NRCAM: variants seen among roughly 807,000 people sequenced by gnomAD.
The protein encoded by NRCAM is NgCAM-related cell adhesion molecule.
A neutral mutation model predicts 156.5 loss-of-function variants in NRCAM; 83 were observed. The observed-to-expected ratio is 0.53, with a 90% confidence interval of 0.44 to 0.64. The LOEUF is 0.64. Among genes scored for constraint, NRCAM ranks in the 30% least tolerant of loss-of-function variants. NRCAM has a pLI of 0.00. For synonymous variants in NRCAM, 538 were observed against 563.9 expected, an observed-to-expected ratio of 0.95 and a Z score of 0.65; for missense variants, 1,417 against 1,597.3, an observed-to-expected ratio of 0.89 and a Z score of 1.92.
chr7:108,239,524 G>A (rs1392561257), intron 4 of NRCAM, among the ~76,000 whole-genome samples: 1 of 152,152 alleles, frequency 6.6e-6, no homozygotes, highest in Non-Finnish European at 1.5e-5. Context: ...CCTCATCTTT[G>A]CAGACCACCC....
Position 108,180,401 on chromosome 7 carries a change from T to A in NRCAM, c.2673A>T (p.Ser891=). ...YRIYYWKTQS[S]SKRNRRHIEK... The stretch of plus-strand genomic sequence containing the variant: ...CAATGTGACGTCTGTTTCTTTTAGA[T>A]GAACTCTGGGTCTTCCAATAGTAAA... The change falls in exon 25 of 33, where the codon TCA becomes TCT. Residue 891 remains serine, a synonymous_variant. Transcript: ENST00000379028. The A allele has an allele frequency of 6.2e-7, 1 of 1,614,202 alleles. No homozygotes were observed. Among genetic ancestry groups the A allele is most frequent in the Non-Finnish European group, 8.5e-7 (1 of 1,180,002 alleles).
chr7:108,374,902 T>C (rs927765899), intron 2 of NRCAM, among the ~76,000 whole-genome samples: 1 of 152,152 alleles, frequency 6.6e-6, no homozygotes, highest in Non-Finnish European at 1.5e-5. Context: ...CAGGAGATGC[T>C]TTCTTCTTGT....
At chr7:108,373,084 T>C (rs1595534797) in intron 2 of NRCAM, among the ~76,000 whole-genome samples, 2 of 152,246 alleles carry the variant, frequency 1.3e-5, no homozygotes, top group Non-Finnish European at 2.9e-5. Context: ...CTAAGTTAAA[T>C]AAGCTAGTCA....
intron 1 of NRCAM, among the ~76,000 whole-genome samples, chr7:108,414,791 A>T (rs1990162): frequency 0.32 from 48,911 of 151,904 alleles, 8,386 homozygotes; most frequent in East Asian, 0.5. Context: ...GAAGACAGAG[A>T]AGGGGGGAAG....
At chr7:108,250,097 T>G (rs758196810) in intron 3 of NRCAM, among the ~76,000 whole-genome samples, 1 of 152,124 alleles carries the variant, frequency 6.6e-6, no homozygotes, top group Non-Finnish European at 1.5e-5. Flanking sequence ...AATGTAGTAC[T>G]TATATATAAT....
chr7:108,408,147 G>A (rs1481718945), intron 1 of NRCAM, among the ~76,000 whole-genome samples: 1 of 152,068 alleles, frequency 6.6e-6, no homozygotes, highest in Non-Finnish European at 1.5e-5. Context: ...GAAATTTAGA[G>A]ACTTCCTTTA....
At chr7:108,418,039 C>T (rs909770548) in intron 1 of NRCAM, among the ~76,000 whole-genome samples, 4 of 152,116 alleles carry the variant, frequency 2.6e-5, no homozygotes, top group Admixed American at 2.6e-4. Context: ...AAGCATGGAG[C>T]TCTGGAAACC....
chr7:108,385,276 G>A (rs188954201), intron 2 of NRCAM, among the ~76,000 whole-genome samples: 8 of 152,242 alleles, frequency 5.3e-5, no homozygotes, highest in Admixed American at 5.2e-4. Flanking sequence ...GTCCTCTGAT[G>A]CACTCTAGGA....
chr7:108,197,570 T>A (rs1197047960), intron 14 of NRCAM, among the ~76,000 whole-genome samples: 1 of 152,202 alleles, frequency 6.6e-6, no homozygotes, highest in Non-Finnish European at 1.5e-5. Context: ...AGCATTATGA[T>A]TCATGCATTA....
Position 108,340,805 on chromosome 7 carries a change from C to G in NRCAM, c.-173-28074G>C, listed in dbSNP as rs139436384. ...AAGCATACCTCTCTGTCACCTGACT[C>G]TATTGAAGGCCAACTAATCTTAAAG... On this transcript the variant is annotated intron_variant, in intron 2 of 32. Coordinates refer to ENST00000379028, the MANE Select transcript of NRCAM (RefSeq NM_001037132.4). Among the ~76,000 whole-genome samples, 1,168 of 152,274 alleles carry G rather than the reference C, an allele frequency of 7.7e-3. 17 individuals carry two copies. Among genetic ancestry groups the G allele is most frequent in the African/African-American group, 0.026 (1,095 of 41,532 alleles).
At chr7:108,346,587 C>T (rs145580321) in intron 2 of NRCAM, among the ~76,000 whole-genome samples, 26 of 152,170 alleles carry the variant, frequency 1.7e-4, no homozygotes, top group African/African-American at 5.1e-4. Context: ...ACCTCCTACT[C>T]TATTGTAAAT....
chr7:108,269,342 A>G (rs1274607481), intron 3 of NRCAM, among the ~76,000 whole-genome samples: 1 of 151,832 alleles, frequency 6.6e-6, no homozygotes, highest in Non-Finnish European at 1.5e-5. Flanking sequence ...CAGGGCATAA[A>G]ACCTCCTTTT....
intron 28 of NRCAM, among the ~76,000 whole-genome samples, chr7:108,174,471 G>A (rs528127692): frequency 3.3e-5 from 5 of 152,312 alleles, no homozygotes; most frequent in African/African-American, 9.6e-5. Context: ...GGCATGCCAC[G>A]TGAAAACAGT....
chr7:108,215,462 G>A (rs1043691614), intron 11 of NRCAM, among the ~76,000 whole-genome samples: 34 of 151,836 alleles, frequency 2.2e-4, no homozygotes, highest in Non-Finnish European at 2.8e-4. Flanking sequence ...TGATCCACCC[G>A]CCTCAGCCTC....
intron 1 of NRCAM, among the ~76,000 whole-genome samples, chr7:108,429,247 A>G (rs1821628149): frequency 6.6e-6 from 1 of 152,064 alleles, no homozygotes; most frequent in African/African-American, 2.4e-5. Flanking sequence ...GCTGGAGTGC[A>G]ATGGCACGAT....
chr7:108,295,941 G>A (rs117513882), intron 3 of NRCAM, among the ~76,000 whole-genome samples: 3,516 of 152,292 alleles, frequency 0.023, 69 homozygotes, highest in Non-Finnish European at 0.036. Flanking sequence ...TGTATATGGG[G>A]GGTTCTGCAC....
At chr7:108,177,163 T>G (rs1563268232) in intron 26 of NRCAM, among the ~76,000 whole-genome samples, 1 of 152,186 alleles carries the variant, frequency 6.6e-6, no homozygotes, top group Non-Finnish European at 1.5e-5. Flanking sequence ...ATTCTACAGA[T>G]ATAAAGAAAA....
At chr7:108,245,429 T>G (rs549397159) in intron 3 of NRCAM, among the ~76,000 whole-genome samples, 1 of 152,218 alleles carries the variant, frequency 6.6e-6, no homozygotes, top group African/African-American at 2.4e-5. Context: ...CCAGATTCTA[T>G]GTGAATAGGA....
chr7:108,240,078 G>GGGCCTAACAGCTTTAAAACGTTAATA lies in NRCAM; in HGVS notation c.-15_-14insTATTAACGTTTTAAAGCTGTTAGGCC. 6.4e-7 allele frequency: 1 copy of GGGCCTAACAGCTTTAAAACGTTAATA among 1,562,808 alleles called. No individual in the cohort carries two copies. The highest frequency in any genetic ancestry group is 8.8e-7 in the Non-Finnish European group (1 of 1,134,760). ...TTTAAGCTGCATTAGCTTAACTCCT[G>GGGCCTAACAGCTTTAAAACGTTAATA]CTGAGACTCACACACTGAATTTCCT... On this transcript the variant is annotated 5_prime_UTR_variant, in exon 4 of 33. Coordinates refer to ENST00000379028, the MANE Select transcript of NRCAM (RefSeq NM_001037132.4).
Sources: gnomAD v4.1 joint callset for allele counts (sites outside exome capture counted in the v4.1 genomes callset) on GRCh38, gnomAD v4.1.1 for gene constraint, MANE v1.5 for transcripts, NCBI Gene and HGNC (gene_info 2026-07-23, HGNC 2026-07-21) for gene names.